The following NEK11 variants were observed in gnomAD, a reference collection of about 807,000 sequenced individuals.
The protein encoded by NEK11 is serine/threonine-protein kinase Nek11.
Under a neutral mutation model 80.7 loss-of-function variants are expected in NEK11, and 72 were observed. That is an observed-to-expected ratio of 0.89 (90% confidence interval 0.74 to 1.08). NEK11 has a LOEUF of 1.08. NEK11 is among the 50% of genes least tolerant of loss of function. The pLI, the probability that NEK11 is intolerant of heterozygous loss-of-function variation, is 0.00. For synonymous variants in NEK11, 251 were observed against 260.7 expected (o/e 0.96, Z 0.36); for missense variants, 764 against 763.6 (o/e 1.00, Z -0.01).
intron 3 of NEK11, among the ~76,000 whole-genome samples, chr3:131,057,485 C>G (rs1370931182): frequency 6.6e-6 from 1 of 150,408 alleles, no homozygotes; most frequent in African/African-American, 2.4e-5. Flanking sequence ...AATGGTTGAA[C>G]TAGTTTACAG....
chr3:131,300,080 G>A (rs890145257), intron 17 of NEK11, among the ~76,000 whole-genome samples: 3 of 152,124 alleles, frequency 2.0e-5, no homozygotes, highest in East Asian at 3.8e-4. Context: ...TGTGACTGGT[G>A]GGAAATGGTA....
intron 2 of NEK11, 88 bp from the exon 3 acceptor site, chr3:131,029,525 A>G: frequency 2.1e-6 from 1 of 478,924 alleles, no homozygotes; most frequent in East Asian, 3.2e-5. Flanking sequence ...TCTGCTGATC[A>G]AGGTGCAGAT....
At chr3:131,177,633 T>C (rs2093106965) in intron 14 of NEK11, among the ~76,000 whole-genome samples, 2 of 152,202 alleles carry the variant, frequency 1.3e-5, no homozygotes, top group Non-Finnish European at 2.9e-5. Context: ...TTTTTCTCCT[T>C]TCTTAGAACA....
intron 14 of NEK11, among the ~76,000 whole-genome samples, chr3:131,203,268 T>C (rs1231755069): frequency 6.6e-6 from 1 of 152,084 alleles, no homozygotes; most frequent in Non-Finnish European, 1.5e-5. Context: ...GATGAGTTCA[T>C]GTCCTTTGTA....
At chr3:131,109,722 C>A in intron 4 of NEK11, 81 bp from the exon 5 acceptor site, 1 of 1,331,398 alleles carries the variant, frequency 7.5e-7, no homozygotes, top group Non-Finnish European at 1.0e-6. Context: ...ACAGTGACTG[C>A]TATGTATTAA....
intron 17 of NEK11, among the ~76,000 whole-genome samples, chr3:131,313,717 G>T (rs1296757988): frequency 6.6e-6 from 1 of 152,102 alleles, no homozygotes; most frequent in Non-Finnish European, 1.5e-5. Context: ...AAATTTTGCT[G>T]TTTTAAACCA....
At chr3:131,103,418 T>C (rs1222243071) in intron 4 of NEK11, among the ~76,000 whole-genome samples, 1 of 152,222 alleles carries the variant, frequency 6.6e-6, no homozygotes, top group East Asian at 1.9e-4. Flanking sequence ...CTTGGTCTTA[T>C]AGGGGGTTAT....
chr3:131,129,297 G>A (rs549940393), intron 5 of NEK11, among the ~76,000 whole-genome samples: 54 of 152,098 alleles, frequency 3.6e-4, no homozygotes, highest in African/African-American at 1.3e-3. Context: ...CTTGTGATCT[G>A]CCTGCCTCAG....
intron 5 of NEK11, among the ~76,000 whole-genome samples, chr3:131,129,700 C>G (rs574579646): frequency 6.6e-6 from 1 of 152,180 alleles, no homozygotes; most frequent in Admixed American, 6.5e-5. Flanking sequence ...TTTGTTGAAA[C>G]GACTGTGTTC....
chr3:131,240,766 G>GT (rs1236466259), intron 15 of NEK11, among the ~76,000 whole-genome samples: 7 of 152,074 alleles, frequency 4.6e-5, no homozygotes, highest in South Asian at 2.1e-4. Flanking sequence ...AAGTGACACA[G>GT]TTTTTTTCTT....
rs186838957 is a variant in NEK11 at position 131,071,179 on chromosome 3, C to T, written c.171-9244C>T. Among the ~76,000 whole-genome samples, 473 of 152,166 alleles carry T rather than the reference C, an allele frequency of 3.1e-3. 1 individual carries two copies. The highest frequency in any genetic ancestry group is 6.8e-3 in the Middle Eastern group (2 of 294). On this transcript the variant is annotated intron_variant, in intron 3 of 17. Coordinates refer to ENST00000383366, the MANE Select transcript of NEK11 (RefSeq NM_024800.5). ...ATGCTAATGTTATTATCAGCTCCCA[C>T]GGGTAATTCAGCTTCCAGATCAAAG...
chr3:131,063,328 A>G (rs1386713049), intron 3 of NEK11, among the ~76,000 whole-genome samples: 2 of 152,214 alleles, frequency 1.3e-5, no homozygotes, highest in East Asian at 1.9e-4. Context: ...TCTAGCCTGA[A>G]TGGAGCTTTT....
chr3:131,046,212 T>C (rs2067363392), intron 3 of NEK11, among the ~76,000 whole-genome samples: 1 of 152,242 alleles, frequency 6.6e-6, no homozygotes, highest in Non-Finnish European at 1.5e-5. Flanking sequence ...GTGAGATTTA[T>C]GCTTTAAGGA....
intron 15 of NEK11, among the ~76,000 whole-genome samples, chr3:131,229,615 T>A (rs2095288916): frequency 6.6e-6 from 1 of 152,106 alleles, no homozygotes; most frequent in South Asian, 2.1e-4. Flanking sequence ...TATCATAATA[T>A]TCAATCCATT....
chr3:131,340,001 T>C (rs1019204599), intron 17 of NEK11, among the ~76,000 whole-genome samples: 1 of 152,202 alleles, frequency 6.6e-6, no homozygotes, highest in Non-Finnish European at 1.5e-5. Context: ...ATCCAGATCA[T>C]TGAAGGAAAC....
intron 16 of NEK11, among the ~76,000 whole-genome samples, chr3:131,263,747 G>A (rs2095983656): frequency 6.6e-6 from 1 of 152,112 alleles, no homozygotes; most frequent in African/African-American, 2.4e-5. Context: ...GGGTCACTGG[G>A]TCAAATGGTA....
intron 14 of NEK11, among the ~76,000 whole-genome samples, chr3:131,172,729 T>G (rs1414128820): frequency 2.0e-5 from 3 of 152,126 alleles, no homozygotes; most frequent in African/African-American, 7.2e-5. Flanking sequence ...CTGAGTAAAA[T>G]AAGGCTGAGA....
intron 3 of NEK11, among the ~76,000 whole-genome samples, chr3:131,064,173 A>G (rs2896502): frequency 0.91 from 138,454 of 152,248 alleles, 63,490 homozygotes; most frequent in Non-Finnish European, 0.95. Flanking sequence ...GGAGAGTGGG[A>G]ATGGGTAGTG....
intron 7 of NEK11, among the ~76,000 whole-genome samples, chr3:131,141,201 C>T (rs2086818770): frequency 6.6e-6 from 1 of 152,016 alleles, no homozygotes; most frequent in Non-Finnish European, 1.5e-5. Context: ...AGGTTTCTGT[C>T]CTCAAAGGAA....
Sources: allele counts gnomAD v4.1 joint callset (sites outside exome capture counted in the v4.1 genomes callset), GRCh38; gene constraint gnomAD v4.1.1; transcripts MANE v1.5; gene names NCBI Gene and HGNC (gene_info 2026-07-23, HGNC 2026-07-21).